Variants in KCNMB2 observed in about 807,000 individuals in gnomAD.
KCNMB2 encodes the protein potassium calcium-activated channel subfamily M regulatory beta subunit 2.
KCNMB2 carries 9 observed loss-of-function variants against 24.5 expected under a neutral mutation model. That is an observed-to-expected ratio of 0.37 (90% CI 0.22 to 0.64). The LOEUF is 0.64. KCNMB2 is among the 30% of genes least tolerant of loss of function. The pLI is 0.63. For missense variants in KCNMB2, 226 were observed against 284.3 expected, an observed-to-expected ratio of 0.79 and a Z score of 1.47; for synonymous variants, 109 against 104.4, an observed-to-expected ratio of 1.04 and a Z score of -0.27.
At chr3:178,650,919 A>G (rs1720092843) in intron 1 of KCNMB2, among the ~76,000 whole-genome samples, 1 of 152,212 alleles carries the variant, frequency 6.6e-6, no homozygotes, top group South Asian at 2.1e-4. Context: ...TCAAAATTAT[A>G]AGAGCTATTT....
intron 1 of KCNMB2, among the ~76,000 whole-genome samples, chr3:178,735,958 T>C (rs748039570): frequency 6.6e-6 from 1 of 152,178 alleles, no homozygotes; most frequent in African/African-American, 2.4e-5. Flanking sequence ...CAGTAAAATG[T>C]TTATAGGAGT....
In KCNMB2 at chr3:178,759,616, C is replaced by A. The variant is rs868392066; in HGVS notation, c.-67-47727C>A. ...ATCTCTCTCCAAGAGGATATATATA[C>A]ATATATCTCTCTCCAAGAGGATATA... On this transcript the variant is annotated intron_variant, in intron 1 of 4. Transcript: ENST00000452583. 2.6e-5 allele frequency among the ~76,000 whole-genome samples: 3 copies of A among 116,924 alleles called. 1 individual carries two copies. Among genetic ancestry groups the A allele is most frequent in the African/African-American group, 1.1e-4 (3 of 27,798 alleles). 76.7% of individuals were successfully genotyped at this position (116,924 alleles called of 152,430 possible).
intron 1 of KCNMB2, among the ~76,000 whole-genome samples, chr3:178,758,139 GATATAT>G (rs376138461): frequency 0.016 from 189 of 11,642 alleles, 10 homozygotes; most frequent in Middle Eastern, 0.12. Flanking sequence ...CACACAAGAG[GATATAT>G]ATATATATAT....
At chr3:178,757,851 C>CCAAGAGGATATATATATG (rs1724201481) in intron 1 of KCNMB2, among the ~76,000 whole-genome samples, 1 of 35,200 alleles carries the variant, frequency 2.8e-5, no homozygotes, top group African/African-American at 1.1e-4. Flanking sequence ...ATATATATAT[C>CCAAGAGGATATATATATG]CAAGAGGATA....
intron 1 of KCNMB2, among the ~76,000 whole-genome samples, chr3:178,743,619 C>T (rs34718456): frequency 0.017 from 2,639 of 152,286 alleles, 32 homozygotes; most frequent in Non-Finnish European, 0.025. Context: ...CCAATCTCTG[C>T]GTCGTGTTGA....
rs1715469004 is a variant in KCNMB2, at chr3:178,842,715, C to T, written c.486C>T (p.Val162=). The change falls in exon 5 of 5, where the codon GTC becomes GTT. Residue 162 remains valine, a synonymous_variant. Transcript: ENST00000452583. ...AATCCATGTCCCTGGTGAATGTTGTCATGGAAAACTTCAGGAAGTATCAAC... is the reference window on the plus strand; with the variant it reads ...AATCCATGTCCCTGGTGAATGTTGTTATGGAAAACTTCAGGAAGTATCAAC... ...FEESMSLVNV[V]MENFRKYQHF... The T allele has an allele frequency of 6.2e-7, 1 of 1,613,240 alleles. No individual in the cohort carries two copies. Among genetic ancestry groups the T allele is most frequent in the South Asian group, 1.1e-5 (1 of 91,034 alleles).
At chr3:178,819,182 G>A (rs532769657) in intron 2 of KCNMB2, among the ~76,000 whole-genome samples, 7 of 152,202 alleles carry the variant, frequency 4.6e-5, no homozygotes, top group African/African-American at 1.7e-4. Context: ...TTCATTTTAA[G>A]GAATGCCTGA....
chr3:178,643,490 G>T (rs1719800839), intron 1 of KCNMB2, among the ~76,000 whole-genome samples: 1 of 152,160 alleles, frequency 6.6e-6, no homozygotes, highest in Non-Finnish European at 1.5e-5. Context: ...TTGTATTACA[G>T]TTGTGCATGA....
chr3:178,787,793 GA>G (rs1029388524), intron 1 of KCNMB2, among the ~76,000 whole-genome samples: 35 of 151,726 alleles, frequency 2.3e-4, no homozygotes, highest in African/African-American at 7.7e-4. Flanking sequence ...ATTAAATTCT[GA>G]AAAAAAATTA....
chr3:178,773,268 T>C (rs1321408118), intron 1 of KCNMB2, among the ~76,000 whole-genome samples: 1 of 151,448 alleles, frequency 6.6e-6, no homozygotes, highest in Non-Finnish European at 1.5e-5. Flanking sequence ...CTAAATAACA[T>C]TTTATTTCCA....
intron 1 of KCNMB2, among the ~76,000 whole-genome samples, chr3:178,742,106 G>A (rs188299804): frequency 6.6e-5 from 10 of 152,276 alleles, no homozygotes; most frequent in African/African-American, 1.9e-4. Context: ...CGATAGCATT[G>A]AAAGTCATAG....
intron 1 of KCNMB2, among the ~76,000 whole-genome samples, chr3:178,603,765 T>G (rs1242282797): frequency 6.6e-6 from 1 of 152,210 alleles, no homozygotes; most frequent in Non-Finnish European, 1.5e-5. Context: ...GAGGGTCTGT[T>G]GGGAATTGGA....
intron 1 of KCNMB2, among the ~76,000 whole-genome samples, chr3:178,603,234 T>G (rs138905078): frequency 3.7e-4 from 56 of 152,256 alleles, no homozygotes; most frequent in African/African-American, 1.3e-3. Context: ...AATGTAATAA[T>G]CAAGTGTAAG....
At chr3:178,836,518 T>C (rs552018824) in intron 4 of KCNMB2, among the ~76,000 whole-genome samples, 1 of 152,224 alleles carries the variant, frequency 6.6e-6, no homozygotes, top group South Asian at 2.1e-4. Context: ...CTGTCAAGAA[T>C]CTAAGGATTG....
chr3:178,728,681 TC>T (rs1723045732), intron 1 of KCNMB2, among the ~76,000 whole-genome samples: 1 of 152,152 alleles, frequency 6.6e-6, no homozygotes, highest in South Asian at 2.1e-4. Context: ...ACCTGTGCTG[TC>T]CTTTTATACA....
At chr3:178,619,372 A>G (rs1396774934) in intron 1 of KCNMB2, among the ~76,000 whole-genome samples, 2 of 152,198 alleles carry the variant, frequency 1.3e-5, no homozygotes, top group Non-Finnish European at 2.9e-5. Context: ...GGAAATAAAA[A>G]CCTAAAGAAA....
intron 1 of KCNMB2, among the ~76,000 whole-genome samples, chr3:178,650,042 G>C (rs1054240542): frequency 6.6e-6 from 1 of 152,122 alleles, no homozygotes; most frequent in Admixed American, 6.6e-5. Flanking sequence ...TGTACATTGT[G>C]TCTTTGTTCT....
At chr3:178,703,441 T>C (rs1343450731) in intron 1 of KCNMB2, among the ~76,000 whole-genome samples, 1 of 152,194 alleles carries the variant, frequency 6.6e-6, no homozygotes, top group Non-Finnish European at 1.5e-5. Context: ...TGTACTCCTC[T>C]GGCCTCCTGC....
At chr3:178,547,076 C>T (rs537764193) in intron 1 of KCNMB2, among the ~76,000 whole-genome samples, 5 of 152,300 alleles carry the variant, frequency 3.3e-5, no homozygotes, top group South Asian at 2.1e-4. Flanking sequence ...GTGCTCTGCC[C>T]TCCAGAATGG....
Sources: gnomAD v4.1 joint callset for allele counts (sites outside exome capture counted in the v4.1 genomes callset) on GRCh38, gnomAD v4.1.1 for gene constraint, MANE v1.5 for transcripts, NCBI Gene and HGNC (gene_info 2026-07-23, HGNC 2026-07-21) for gene names.